The following MARCHF3 variants were observed in gnomAD, a reference collection of about 807,000 sequenced individuals.
The protein encoded by MARCHF3 is membrane associated ring-CH-type finger 3.
A neutral mutation model predicts 24.2 loss-of-function variants in MARCHF3; 13 were observed. The observed-to-expected ratio is 0.54, with a 90% CI of 0.35 to 0.85. The LOEUF is 0.85. MARCHF3 is among the 40% of genes least tolerant of loss of function. The pLI is 0.01. For missense variants in MARCHF3, 276 were observed against 325.0 expected, an observed-to-expected ratio of 0.85 and a Z score of 1.16; for synonymous variants, 144 against 137.3, an observed-to-expected ratio of 1.05 and a Z score of -0.34.
chr5:126,937,018 C>T (rs1251885902), intron 1 of MARCHF3, among the ~76,000 whole-genome samples: 1 of 152,236 alleles, frequency 6.6e-6, no homozygotes, highest in African/African-American at 2.4e-5. Context: ...GTGTCATTTG[C>T]TTTCCCTCAG....
chr5:126,911,249 G>A (rs571205854), intron 3 of MARCHF3, among the ~76,000 whole-genome samples: 1 of 152,264 alleles, frequency 6.6e-6, no homozygotes, highest in African/African-American at 2.4e-5. Context: ...TGTGAAGCAT[G>A]TGATCTCTGT....
intron 1 of MARCHF3, among the ~76,000 whole-genome samples, chr5:126,929,404 C>T (rs1224072005): frequency 1.3e-5 from 2 of 152,186 alleles, no homozygotes; most frequent in Non-Finnish European, 2.9e-5. Context: ...TCCCCAGGTA[C>T]ACAATTCTAA....
chr5:127,013,510 G>A (rs80248080), intron 1 of MARCHF3, among the ~76,000 whole-genome samples: 2,398 of 152,122 alleles, frequency 0.016, 66 homozygotes, highest in South Asian at 0.11. Context: ...ATCCTGATGA[G>A]TTCTCACAAT....
intron 3 of MARCHF3, among the ~76,000 whole-genome samples, chr5:126,883,496 G>A (rs1167229730): frequency 6.6e-6 from 1 of 152,108 alleles, no homozygotes; most frequent in Non-Finnish European, 1.5e-5. Context: ...AAACAAACTA[G>A]AAACCCCACC....
intron 1 of MARCHF3, 92 bp from the exon 2 acceptor site, chr5:126,918,319 T>G (rs1274317804): frequency 8.9e-6 from 7 of 783,018 alleles, no homozygotes; most frequent in Non-Finnish European, 1.4e-5. Context: ...ATGTCATTAT[T>G]TAATACAAAT....
intron 1 of MARCHF3, among the ~76,000 whole-genome samples, chr5:126,939,766 C>T (rs1224105090): frequency 6.6e-6 from 1 of 152,136 alleles, no homozygotes; most frequent in Non-Finnish European, 1.5e-5. Flanking sequence ...GATTAGGTTC[C>T]TGTGGACCAC....
intron 1 of MARCHF3, among the ~76,000 whole-genome samples, chr5:126,951,853 ATT>A (rs111789958): frequency 1.3e-5 from 2 of 149,136 alleles, no homozygotes; most frequent in African/African-American, 4.9e-5. Context: ...GTAGGTGTTT[ATT>A]TTTTTTTTGA....
intron 1 of MARCHF3, among the ~76,000 whole-genome samples, chr5:126,962,074 C>T (rs1750656005): frequency 6.6e-6 from 1 of 152,122 alleles, no homozygotes; most frequent in African/African-American, 2.4e-5. Context: ...CTTTGTCCTA[C>T]AGAGTTAGGG....
At chr5:126,908,836 C>T (rs569780015) in intron 3 of MARCHF3, among the ~76,000 whole-genome samples, 118 of 152,216 alleles carry the variant, frequency 7.8e-4, no homozygotes, top group Non-Finnish European at 1.4e-3. Flanking sequence ...AAGTCATTCT[C>T]CATCCAGCTT....
intron 1 of MARCHF3, among the ~76,000 whole-genome samples, chr5:126,983,356 A>G (rs1238264868): frequency 6.6e-6 from 1 of 152,216 alleles, no homozygotes; most frequent in African/African-American, 2.4e-5. Flanking sequence ...GGGGACAGGA[A>G]CTAGCCCTCT....
intron 1 of MARCHF3, among the ~76,000 whole-genome samples, chr5:126,971,255 C>T (rs1293885409): frequency 6.6e-6 from 1 of 151,806 alleles, no homozygotes; most frequent in Non-Finnish European, 1.5e-5. Flanking sequence ...CAAGACCATC[C>T]TGGCTAGCAT....
Position 126,878,214 on chromosome 5 carries a change from G to A in MARCHF3, c.574C>T (p.Leu192Phe). ...GTCCAAAAGAGGTAAATAGTGAAGAGTGCGACAGTGAGTGCAATCAGTCCG... is the reference window on the plus strand; with the variant it reads ...GTCCAAAAGAGGTAAATAGTGAAGAATGCGACAGTGAGTGCAATCAGTCCG... Reference protein sequence around the residue: ...AVGLIALTVALFTIYLFWTLV... With the variant: ...AVGLIALTVAFFTIYLFWTLV... Residue 192 changes from leucine to phenylalanine, a missense_variant, in exon 4 of 5, where the codon CTC becomes TTC. Transcript: ENST00000308660. 3.1e-6 allele frequency: 5 copies of A among 1,614,256 alleles called. No homozygotes were observed. Among genetic ancestry groups the A allele is most frequent in the Non-Finnish European group, 4.2e-6 (5 of 1,180,044 alleles).
intron 3 of MARCHF3, among the ~76,000 whole-genome samples, chr5:126,912,442 A>C (rs1187838515): frequency 6.6e-6 from 1 of 152,180 alleles, no homozygotes; most frequent in African/African-American, 2.4e-5. Flanking sequence ...ATGTTATGGA[A>C]TTTCCTTGCT....
At chr5:127,002,212 G>A (rs1752152829) in intron 1 of MARCHF3, among the ~76,000 whole-genome samples, 1 of 152,206 alleles carries the variant, frequency 6.6e-6, no homozygotes. Context: ...CAAACAGCAA[G>A]GCCTTGAAGG....
At chr5:126,952,210 C>T (rs867865475) in intron 1 of MARCHF3, among the ~76,000 whole-genome samples, 26 of 152,070 alleles carry the variant, frequency 1.7e-4, no homozygotes, top group African/African-American at 6.3e-4. Flanking sequence ...AAGAAGGATA[C>T]ACAAGTTACA....
Position 126,944,569 on chromosome 5 carries a change from G to A in MARCHF3, c.-56-26342C>T, listed in dbSNP as rs565473844. On this transcript the variant is annotated intron_variant, in intron 1 of 4. Coordinates refer to ENST00000308660, the MANE Select transcript of MARCHF3 (RefSeq NM_178450.5). ...TGCATTCCAGCCTGGGCAAAAGAGC[G>A]ACACCCTGTCTCAAATAATAGTAAT... Among the ~76,000 whole-genome samples the A allele has an allele frequency of 3.9e-5, 6 of 152,240 alleles. No individual in the cohort carries two copies. In the East Asian group the frequency reaches 7.7e-4, roughly 20 times the overall value.
At chr5:126,925,676 G>A (rs1053659215) in intron 1 of MARCHF3, among the ~76,000 whole-genome samples, 2 of 152,140 alleles carry the variant, frequency 1.3e-5, no homozygotes, top group African/African-American at 4.8e-5. Context: ...TCCTACACAC[G>A]GAGCCCCACT....
chr5:126,966,918 TTTTTTTTTTTTTTTTTTTTTTTTTTTTG>T (rs1438811624), intron 1 of MARCHF3, among the ~76,000 whole-genome samples: 1 of 88,328 alleles, frequency 1.1e-5, no homozygotes, highest in African/African-American at 5.5e-5. Flanking sequence ...TTTTTTTTTT[TTTTTTTTTTTTTTTTTTTTTTTTTTTTG>T]CTATTACCTA....
chr5:126,895,532 A>G (rs1400688839), intron 3 of MARCHF3, among the ~76,000 whole-genome samples: 1 of 152,034 alleles, frequency 6.6e-6, no homozygotes, highest in East Asian at 1.9e-4. Context: ...CTTCTGACAG[A>G]CAGGACCCTC....
Sources: gnomAD v4.1 joint callset for allele counts (sites outside exome capture counted in the v4.1 genomes callset) on GRCh38, gnomAD v4.1.1 for gene constraint, MANE v1.5 for transcripts, NCBI Gene and HGNC (gene_info 2026-07-23, HGNC 2026-07-21) for gene names.